Variants in SDC2 observed in about 807,000 individuals in gnomAD.
The protein encoded by SDC2 is syndecan 2.
Under a neutral mutation model 22.2 loss-of-function variants are expected in SDC2, and 13 were observed. The ratio of observed to expected loss-of-function variants is 0.59; its 90% CI spans 0.38 to 0.93. SDC2 has a LOEUF of 0.93. Among genes scored for constraint, SDC2 ranks in the 40% least tolerant of loss-of-function variants. The pLI is 0.00. For synonymous variants in SDC2, 94 were observed against 92.8 expected (o/e 1.01, Z -0.07); for missense variants, 235 against 246.8 (o/e 0.95, Z 0.32).
At chr8:96,571,122 G>A (rs1814387202) in intron 1 of SDC2, among the ~76,000 whole-genome samples, 1 of 152,202 alleles carries the variant, frequency 6.6e-6, no homozygotes, top group Non-Finnish European at 1.5e-5. Flanking sequence ...TTTAAAAAAT[G>A]TGACTACTAG....
chr8:96,526,343 C>G (rs560730845), intron 1 of SDC2, among the ~76,000 whole-genome samples: 48 of 99,892 alleles, frequency 4.8e-4, no homozygotes, highest in African/African-American at 2.6e-3. Context: ...AGCTGATCTC[C>G]TTAAAGCGGT....
At chr8:96,553,124 G>C (rs1814053173) in intron 1 of SDC2, among the ~76,000 whole-genome samples, 1 of 152,036 alleles carries the variant, frequency 6.6e-6, no homozygotes, top group African/African-American at 2.4e-5. Flanking sequence ...ATTACCGAAA[G>C]GCATAAAATA....
chr8:96,533,575 G>C (rs1489210604), intron 1 of SDC2, among the ~76,000 whole-genome samples: 1 of 152,064 alleles, frequency 6.6e-6, no homozygotes, highest in African/African-American at 2.4e-5. Context: ...TAGACACAGA[G>C]TGCTGATTGG....
At position 96,554,482 on chromosome 8, in the gene SDC2, T is replaced by TA. The variant is rs528292831; in HGVS notation, c.61-38988dup. 4.7e-3 allele frequency among the ~76,000 whole-genome samples: 704 copies of TA among 148,914 alleles called. 3 individuals carry two copies. The highest frequency in any genetic ancestry group is 0.015 in the African/African-American group (617 of 40,786). ...CATGGTTTATGTTCCAGCATTTAGT[T>TA]AAAAAAAAAAGACCTCTAATCTTAT... On this transcript the variant is annotated intron_variant, in intron 1 of 4. Transcript: ENST00000302190.
At chr8:96,532,109 G>T (rs562402088) in intron 1 of SDC2, among the ~76,000 whole-genome samples, 1 of 152,258 alleles carries the variant, frequency 6.6e-6, no homozygotes, top group African/African-American at 2.4e-5. Flanking sequence ...TGCTAGGATT[G>T]TTATATGGAT....
intron 1 of SDC2, among the ~76,000 whole-genome samples, chr8:96,534,580 G>T (rs542515129): frequency 6.6e-6 from 1 of 152,096 alleles, no homozygotes; most frequent in South Asian, 2.1e-4. Flanking sequence ...GACTATAGGC[G>T]CATACCACCA....
chr8:96,580,581 G>C (rs1299873425), intron 1 of SDC2: 14 of 945,944 alleles, frequency 1.5e-5, no homozygotes, highest in Non-Finnish European at 1.8e-5. Flanking sequence ...GAGTGTGCCT[G>C]AAGCAGTTAA....
intron 1 of SDC2, among the ~76,000 whole-genome samples, chr8:96,533,970 G>A (rs1170161927): frequency 6.6e-6 from 1 of 152,330 alleles, no homozygotes; most frequent in Non-Finnish European, 1.5e-5. Context: ...AGGCAGCTGA[G>A]GTCCGGTGAG....
intron 1 of SDC2, among the ~76,000 whole-genome samples, chr8:96,585,549 C>A (rs1274882558): frequency 1.3e-5 from 2 of 152,064 alleles, no homozygotes; most frequent in Non-Finnish European, 2.9e-5. Flanking sequence ...GGGGCGGGTG[C>A]ATCCTGTTTT....
chr8:96,559,626 G>A (rs947228896), intron 1 of SDC2, among the ~76,000 whole-genome samples: 1 of 152,142 alleles, frequency 6.6e-6, no homozygotes, highest in Non-Finnish European at 1.5e-5. Flanking sequence ...TACCAGTGAC[G>A]ATTTAGTGAT....
chr8:96,566,559 T>G (rs1814302079), intron 1 of SDC2, among the ~76,000 whole-genome samples: 1 of 152,154 alleles, frequency 6.6e-6, no homozygotes, highest in South Asian at 2.1e-4. Context: ...ACTCTCATAC[T>G]TATTAGTTTT....
chr8:96,533,131 GGTGA>G (rs982427425), intron 1 of SDC2, among the ~76,000 whole-genome samples: 6 of 152,194 alleles, frequency 3.9e-5, no homozygotes, highest in Non-Finnish European at 4.4e-5. Context: ...AGACCTTCGT[GGTGA>G]GTGTTACAGC....
intron 1 of SDC2, among the ~76,000 whole-genome samples, chr8:96,509,997 A>G (rs532542538): frequency 2.0e-5 from 3 of 152,054 alleles, no homozygotes; most frequent in Non-Finnish European, 2.9e-5. Flanking sequence ...CTGCATAGCT[A>G]TAAAGTAAGT....
At chr8:96,552,895 G>A (rs760596690) in intron 1 of SDC2, among the ~76,000 whole-genome samples, 3 of 152,084 alleles carry the variant, frequency 2.0e-5, no homozygotes, top group Non-Finnish European at 4.4e-5. Flanking sequence ...AGAAAGTAAT[G>A]TTTCTCCAAT....
intron 1 of SDC2, among the ~76,000 whole-genome samples, chr8:96,514,551 G>A (rs924772359): frequency 1.3e-5 from 2 of 152,138 alleles, no homozygotes; most frequent in Non-Finnish European, 2.9e-5. Context: ...AGTGACCAGT[G>A]TGACAAGAAC....
At chr8:96,598,417 T>C (rs1814918033) in intron 2 of SDC2, among the ~76,000 whole-genome samples, 2 of 151,098 alleles carry the variant, frequency 1.3e-5, no homozygotes, top group South Asian at 4.2e-4. Flanking sequence ...AGGTCAGGAG[T>C]TCGAGAACAG....
In SDC2 at chr8:96,574,968, C is replaced by A. The variant is rs188671775; in HGVS notation, c.61-18512C>A. Among the ~76,000 whole-genome samples, 1,135 of 152,278 alleles carry A rather than the reference C, an allele frequency of 7.5e-3. 6 individuals carry two copies. Among genetic ancestry groups the A allele is most frequent in the Middle Eastern group, 0.024 (7 of 294 alleles). ...TTAGATTCTCACAAGGAGCGTGCAA[C>A]CTAGATCCCTCACATGTGCAGTTCA... On this transcript the variant is annotated intron_variant, in intron 1 of 4. Coordinates refer to ENST00000302190, the MANE Select transcript of SDC2 (RefSeq NM_002998.4).
At position 96,540,109 on chromosome 8, in the gene SDC2, A is replaced by G. The variant is rs1291986133; in HGVS notation, c.60+45778A>G. On this transcript the variant is annotated intron_variant, in intron 1 of 4. Coordinates refer to ENST00000302190, the MANE Select transcript of SDC2 (RefSeq NM_002998.4). Reference sequence around the variant, plus strand: ...CATTACATGAATATGAAAATCATCTATGATTATGCCTTTCTGATGTCTGTT... The same window carrying G: ...CATTACATGAATATGAAAATCATCTGTGATTATGCCTTTCTGATGTCTGTT... 1.3e-5 allele frequency among the ~76,000 whole-genome samples: 2 copies of G among 151,566 alleles called. 1 individual carries two copies. The highest frequency in any genetic ancestry group is 4.2e-4 in the South Asian group (2 of 4,752).
chr8:96,522,373 T>A (rs911112039), intron 1 of SDC2, among the ~76,000 whole-genome samples: 2 of 152,182 alleles, frequency 1.3e-5, no homozygotes, highest in African/African-American at 4.8e-5. Context: ...GTTACCTATT[T>A]TTTTTTTTTT....
Sources: gnomAD v4.1 joint callset for allele counts (sites outside exome capture counted in the v4.1 genomes callset) on GRCh38, gnomAD v4.1.1 for gene constraint, MANE v1.5 for transcripts, NCBI Gene and HGNC (gene_info 2026-07-23, HGNC 2026-07-21) for gene names.